Variants in PLD5 observed in about 807,000 individuals in gnomAD.
PLD5 encodes inactive phospholipase D5.
A neutral mutation model predicts 61.1 loss-of-function variants in PLD5; 36 were observed. That is an observed-to-expected ratio of 0.59 (90% CI 0.45 to 0.78). PLD5 has a LOEUF of 0.78. PLD5 is among the 30% of genes least tolerant of loss of function. The probability of loss-of-function intolerance (pLI) is 0.00; values close to 1 mark genes in which losing one functional copy is unlikely to be tolerated. For synonymous variants in PLD5, 243 were observed against 242.8 expected (o/e 1.00, Z -0.01); for missense variants, 515 against 644.4 (o/e 0.80, Z 2.17).
chr1:242,445,930 T>G (rs964682006), intron 1 of PLD5, among the ~76,000 whole-genome samples: 2 of 152,062 alleles, frequency 1.3e-5, no homozygotes, highest in African/African-American at 2.4e-5. Context: ...CCATATCATC[T>G]TTTACCTAGA....
At chr1:242,198,293 T>C (rs186240679) in intron 5 of PLD5, among the ~76,000 whole-genome samples, 109 of 152,226 alleles carry the variant, frequency 7.2e-4, no homozygotes, top group African/African-American at 2.6e-3. Context: ...GTCTTTAAAT[T>C]TGGAAGTAAA....
At chr1:242,324,962 C>A (rs1377535502) in intron 2 of PLD5, among the ~76,000 whole-genome samples, 2 of 152,174 alleles carry the variant, frequency 1.3e-5, no homozygotes, top group Non-Finnish European at 2.9e-5. Context: ...TTTCAACAAC[C>A]GTAGCCTCTG....
intron 1 of PLD5, among the ~76,000 whole-genome samples, chr1:242,494,878 C>CTTTTTTTTTTTTTTTTT (rs556893161): frequency 8.8e-5 from 12 of 135,882 alleles, no homozygotes; most frequent in South Asian, 2.3e-4. Flanking sequence ...TTTTTCTTTT[C>CTTTTTTTTTTTTTTTTT]TGTTTTTTTT....
At chr1:242,207,982 A>G (rs1349791334) in intron 5 of PLD5, among the ~76,000 whole-genome samples, 1 of 66,030 alleles carries the variant, frequency 1.5e-5, no homozygotes, top group African/African-American at 5.7e-5. Flanking sequence ...ATTTTTATAT[A>G]TATATTTATA....
chr1:242,494,164 G>A (rs1450682918), intron 1 of PLD5, among the ~76,000 whole-genome samples: 1 of 136,410 alleles, frequency 7.3e-6, no homozygotes, highest in Non-Finnish European at 1.5e-5. Context: ...AAGTTTTGGT[G>A]TCCTTCCTGA....
chr1:242,388,601 C>T (rs533663402), intron 1 of PLD5, among the ~76,000 whole-genome samples: 19 of 152,176 alleles, frequency 1.2e-4, no homozygotes, highest in Admixed American at 3.3e-4. Context: ...ACAGAATGTT[C>T]GGTACGCAGG....
chr1:242,489,390 A>G (rs905019913), intron 1 of PLD5, among the ~76,000 whole-genome samples: 2 of 151,730 alleles, frequency 1.3e-5, no homozygotes, highest in Non-Finnish European at 2.9e-5. Context: ...AAAAAAACAG[A>G]GAAAAAACAG....
At chr1:242,351,064 G>A (rs757805645) in intron 1 of PLD5, among the ~76,000 whole-genome samples, 5 of 151,866 alleles carry the variant, frequency 3.3e-5, no homozygotes, top group Non-Finnish European at 5.9e-5. Flanking sequence ...ACTACAACCA[G>A]CTAATTTTAT....
intron 1 of PLD5, 135 bp from the exon 2 acceptor site, chr1:242,348,377 T>C: frequency 1.0e-6 from 1 of 985,276 alleles, no homozygotes; most frequent in Non-Finnish European, 1.4e-6. Flanking sequence ...GGGAAATCTA[T>C]TCTCTAGTGA....
intron 1 of PLD5, among the ~76,000 whole-genome samples, chr1:242,431,214 C>T (rs1344062479): frequency 6.6e-6 from 1 of 152,118 alleles, no homozygotes; most frequent in Admixed American, 6.5e-5. Context: ...ATGCATTGAA[C>T]AATAATTCTC....
intron 5 of PLD5, among the ~76,000 whole-genome samples, chr1:242,166,062 T>C (rs559494032): frequency 6.6e-6 from 1 of 152,302 alleles, no homozygotes; most frequent in African/African-American, 2.4e-5. Context: ...TTGCTTCCTG[T>C]TGTGGTGGTG....
chr1:242,136,599 A>G (rs990505205), intron 5 of PLD5, among the ~76,000 whole-genome samples: 6 of 152,174 alleles, frequency 3.9e-5, no homozygotes, highest in Non-Finnish European at 8.8e-5. Context: ...CTAAACTCCC[A>G]CAAAACACCC....
chr1:242,408,883 A>G (rs567377059), intron 1 of PLD5, among the ~76,000 whole-genome samples: 1 of 152,138 alleles, frequency 6.6e-6, no homozygotes, highest in Admixed American at 6.5e-5. Context: ...CCTGGCCAAC[A>G]TGGTGAAACC....
At chr1:242,242,323 CT>C (rs563302161) in intron 4 of PLD5, among the ~76,000 whole-genome samples, 70 of 152,230 alleles carry the variant, frequency 4.6e-4, no homozygotes, top group African/African-American at 1.6e-3. Flanking sequence ...GCCTGTCCCC[CT>C]ATTTTCCAGC....
chr1:242,448,396 C>G (rs771306495), intron 1 of PLD5, among the ~76,000 whole-genome samples: 11 of 152,184 alleles, frequency 7.2e-5, no homozygotes, highest in Non-Finnish European at 1.6e-4. Flanking sequence ...AAATCATTTC[C>G]CACACATCAG....
At chr1:242,132,192 C>CGGGGGGGG (rs58312459) in intron 5 of PLD5, among the ~76,000 whole-genome samples, 6 of 21,058 alleles carry the variant, frequency 2.8e-4, no homozygotes, top group South Asian at 1.0e-3. Flanking sequence ...GCAGTGATTG[C>CGGGGGGGG]GGGGGGGGGG....
At chr1:242,166,673 T>A (rs1666327573) in intron 5 of PLD5, among the ~76,000 whole-genome samples, 3 of 152,248 alleles carry the variant, frequency 2.0e-5, no homozygotes, top group African/African-American at 7.2e-5. Context: ...TCTCCTCGCA[T>A]ATCACTAATA....
intron 5 of PLD5, among the ~76,000 whole-genome samples, chr1:242,197,856 A>C (rs12094637): frequency 0.027 from 4,088 of 151,912 alleles, 192 homozygotes; most frequent in African/African-American, 0.093. Context: ...CTGGTCTCGA[A>C]CTCCTGACCT....
chr1:242,422,846 CTTTTTT>C (rs3033897), intron 1 of PLD5, among the ~76,000 whole-genome samples: 15 of 129,578 alleles, frequency 1.2e-4, no homozygotes, highest in African/African-American at 1.4e-4. Flanking sequence ...GTATTTCTCT[CTTTTTT>C]TTTTTTTTTT....
Sources: allele counts gnomAD v4.1 joint callset (sites outside exome capture counted in the v4.1 genomes callset), GRCh38; gene constraint gnomAD v4.1.1; transcripts MANE v1.5; gene names NCBI Gene and HGNC (gene_info 2026-07-23, HGNC 2026-07-21).